The following LSAMP variants were observed in gnomAD, a reference collection of about 807,000 sequenced individuals.
LSAMP encodes limbic system-associated membrane protein.
In LSAMP, 7 loss-of-function variants were observed where a neutral mutation model predicts 38.6. The ratio of observed to expected loss-of-function variants is 0.18; its 90% CI spans 0.10 to 0.34. The LOEUF is 0.34. LSAMP is among the 10% of genes least tolerant of loss of function. LSAMP has a pLI of 1.00. For synonymous variants in LSAMP, 154 were observed against 166.8 expected (o/e 0.92, Z 0.59); for missense variants, 313 against 420.0 (o/e 0.75, Z 2.23).
Position 116,203,120 on chromosome 3 carries a change from T to A in LSAMP, c.156-116564A>T, listed in dbSNP as rs1049021192. On this transcript the variant is annotated intron_variant, in intron 1 of 6. Coordinates refer to ENST00000490035, the MANE Select transcript of LSAMP (RefSeq NM_002338.5). ...GCTTTCCAATCTTCATGTCTTTTAT[T>A]TTCCTTTCATGTCTTGCTGCACTGG... Among the ~76,000 whole-genome samples, 8 of 152,196 alleles carry A rather than the reference T, an allele frequency of 5.3e-5. 1 individual carries two copies. Among genetic ancestry groups the A allele is most frequent in the African/African-American group, 1.9e-4 (8 of 41,448 alleles).
At chr3:116,166,336 A>T (rs550048887) in intron 1 of LSAMP, among the ~76,000 whole-genome samples, 3 of 152,190 alleles carry the variant, frequency 2.0e-5, no homozygotes, top group Non-Finnish European at 4.4e-5. Context: ...TACTATTATG[A>T]TTCCTATTTT....
At chr3:116,201,466 C>A (rs932032242) in intron 1 of LSAMP, among the ~76,000 whole-genome samples, 5 of 152,148 alleles carry the variant, frequency 3.3e-5, no homozygotes, top group Admixed American at 6.5e-5. Flanking sequence ...CCATCAGGAA[C>A]CTCCTGTGCA....
At chr3:116,324,816 C>A (rs1188543986) in intron 1 of LSAMP, among the ~76,000 whole-genome samples, 1 of 152,084 alleles carries the variant, frequency 6.6e-6, no homozygotes, top group East Asian at 1.9e-4. Context: ...GATTTTATAG[C>A]CAATTACATT....
chr3:116,344,035 C>A (rs1241052223), intron 1 of LSAMP, among the ~76,000 whole-genome samples: 1 of 151,950 alleles, frequency 6.6e-6, no homozygotes, highest in African/African-American at 2.4e-5. Flanking sequence ...TCATGAAATA[C>A]AAGGAATTAA....
At chr3:116,260,892 T>C (rs917230005) in intron 1 of LSAMP, among the ~76,000 whole-genome samples, 8 of 152,150 alleles carry the variant, frequency 5.3e-5, no homozygotes, top group African/African-American at 1.9e-4. Context: ...TGAGTGTTTG[T>C]TGATGAGGTA....
chr3:116,246,409 C>T, intron 1 of LSAMP, among the ~76,000 whole-genome samples: 1 of 152,114 alleles, frequency 6.6e-6, no homozygotes. Context: ...ACGTTGTGTG[C>T]ACACAACAGC....
intron 1 of LSAMP, among the ~76,000 whole-genome samples, chr3:116,396,513 GT>G (rs2048769934): frequency 2.6e-5 from 4 of 152,232 alleles, no homozygotes; most frequent in Admixed American, 2.6e-4. Flanking sequence ...CACATACTTT[GT>G]AAAAATACTA....
chr3:116,110,842 G>C (rs1708593546), intron 1 of LSAMP, among the ~76,000 whole-genome samples: 1 of 152,190 alleles, frequency 6.6e-6, no homozygotes. Flanking sequence ...CAGGCTTTGT[G>C]TAAGCAACAT....
chr3:116,202,091 C>T (rs935362911), intron 1 of LSAMP, among the ~76,000 whole-genome samples: 2 of 151,750 alleles, frequency 1.3e-5, no homozygotes, highest in African/African-American at 4.8e-5. Context: ...CCAGTCCACA[C>T]TCTTCTCTCC....
At chr3:116,315,018 C>T (rs2047609316) in intron 1 of LSAMP, among the ~76,000 whole-genome samples, 1 of 152,142 alleles carries the variant, frequency 6.6e-6, no homozygotes, top group Admixed American at 6.5e-5. Flanking sequence ...GGCAAATCAC[C>T]TCAATTTTCA....
intron 1 of LSAMP, among the ~76,000 whole-genome samples, chr3:116,380,983 A>G (rs1178078282): frequency 1.3e-5 from 2 of 152,098 alleles, no homozygotes; most frequent in Non-Finnish European, 1.5e-5. Flanking sequence ...TTACAGGTAT[A>G]TAATATATGC....
At chr3:116,087,418 G>T (rs1708016784) in intron 1 of LSAMP, among the ~76,000 whole-genome samples, 1 of 152,154 alleles carries the variant, frequency 6.6e-6, no homozygotes, top group Non-Finnish European at 1.5e-5. Flanking sequence ...ATACTTTTTG[G>T]TGAGTATGGT....
intron 3 of LSAMP, among the ~76,000 whole-genome samples, chr3:115,960,162 G>A (rs1234621108): frequency 3.9e-5 from 6 of 152,160 alleles, no homozygotes; most frequent in Admixed American, 2.0e-4. Context: ...GGTGTGTAAA[G>A]AGGTTAAGTT....
intron 3 of LSAMP, among the ~76,000 whole-genome samples, chr3:116,001,331 A>G (rs987385762): frequency 1.3e-5 from 2 of 152,170 alleles, no homozygotes; most frequent in Non-Finnish European, 2.9e-5. Context: ...TCAATTCCCC[A>G]TTATACACCA....
At chr3:116,218,632 C>G (rs2046248301) in intron 1 of LSAMP, among the ~76,000 whole-genome samples, 2 of 152,118 alleles carry the variant, frequency 1.3e-5, no homozygotes, top group South Asian at 4.1e-4. Context: ...CTACCTCTCC[C>G]TTTTACTTTT....
intron 1 of LSAMP, among the ~76,000 whole-genome samples, chr3:116,425,429 G>A (rs868034392): frequency 6.6e-6 from 1 of 152,178 alleles, no homozygotes; most frequent in Non-Finnish European, 1.5e-5. Context: ...CGTGGAACAT[G>A]GAAGATAAGG....
At chr3:116,154,413 A>G (rs2107530225) in intron 1 of LSAMP, among the ~76,000 whole-genome samples, 1 of 152,286 alleles carries the variant, frequency 6.6e-6, no homozygotes, top group Admixed American at 6.5e-5. Flanking sequence ...ATTTAACATG[A>G]GCTCTGAAAA....
intron 1 of LSAMP, among the ~76,000 whole-genome samples, chr3:116,198,012 T>C (rs901686798): frequency 2.0e-5 from 3 of 152,156 alleles, no homozygotes; most frequent in Non-Finnish European, 4.4e-5. Flanking sequence ...AGAAATGGCA[T>C]GGAGATACAG....
chr3:115,915,600 C>G (rs1937232612), intron 3 of LSAMP, among the ~76,000 whole-genome samples: 1 of 151,896 alleles, frequency 6.6e-6, no homozygotes. Flanking sequence ...TTTTAAGTGG[C>G]AGTCTTGGGA....
Sources: allele counts gnomAD v4.1 joint callset (sites outside exome capture counted in the v4.1 genomes callset), GRCh38; gene constraint gnomAD v4.1.1; transcripts MANE v1.5; gene names NCBI Gene and HGNC (gene_info 2026-07-23, HGNC 2026-07-21).